Variants in UBE3A observed in about 807,000 individuals in gnomAD.
UBE3A encodes ubiquitin-protein ligase E3A.
In UBE3A, 6 loss-of-function variants were observed where a neutral mutation model predicts 83.4. The observed-to-expected ratio is 0.07, with a 90% CI of 0.04 to 0.14. UBE3A has a LOEUF of 0.14. UBE3A is among the 10% of genes least tolerant of loss of function. The pLI, the probability that UBE3A is intolerant of heterozygous loss-of-function variation, is 1.00. For missense variants in UBE3A, 456 were observed against 1,036.1 expected (o/e 0.44, Z 7.69); for synonymous variants, 337 against 355.4 (o/e 0.95, Z 0.58).
intron 4 of UBE3A, among the ~76,000 whole-genome samples, chr15:25,392,752 T>C (rs1207922806): frequency 1.3e-5 from 2 of 152,084 alleles, no homozygotes; most frequent in Non-Finnish European, 2.9e-5. Context: ...CACAGGGGCC[T>C]GAAAACATGA....
At chr15:25,421,182 C>G (rs1017865931) in intron 1 of UBE3A, among the ~76,000 whole-genome samples, 1 of 152,212 alleles carries the variant, frequency 6.6e-6, no homozygotes, top group South Asian at 2.1e-4. Context: ...CAGATGTGGT[C>G]GTTTAAAAAG....
chr15:25,418,733 A>C (rs1888205501), intron 1 of UBE3A: 1 of 152,182 alleles, frequency 6.6e-6, no homozygotes, highest in African/African-American at 2.4e-5. Context: ...AGATGGTCAC[A>C]ATAGAAGCCA....
intron 1 of UBE3A, among the ~76,000 whole-genome samples, chr15:25,417,032 A>C (rs1294012341): frequency 6.6e-6 from 1 of 152,134 alleles, no homozygotes; most frequent in Admixed American, 6.6e-5. Context: ...ATGGCTTCAG[A>C]AATCTGCCAT....
chr15:25,339,002 T>C lies in UBE3A; in HGVS notation c.*135A>G, dbSNP rs1158290239. 1.2e-5 allele frequency: 12 copies of C among 1,022,088 alleles called. No homozygotes were observed. Among genetic ancestry groups the C allele is most frequent in the Non-Finnish European group, 1.6e-5 (12 of 748,768 alleles). 63.3% of individuals were successfully genotyped at this position (1,022,088 alleles called of 1,614,324 possible). A position where few individuals can be genotyped will look rare whatever the true frequency, so the allele number is the denominator to read the frequency against. On this transcript the variant is annotated 3_prime_UTR_variant, in exon 13 of 13. Coordinates refer to ENST00000648336, the MANE Select transcript of UBE3A (RefSeq NM_130839.5). ...CACAGACATAGGTGACTACTGTGGT[T>C]GACTATCTTACAGCCTTTTTGTACT... is the stretch of plus-strand genomic sequence containing the variant.
At chr15:25,405,087 G>A (rs1436357173) in intron 4 of UBE3A, among the ~76,000 whole-genome samples, 1 of 152,040 alleles carries the variant, frequency 6.6e-6, no homozygotes, top group African/African-American at 2.4e-5. Context: ...ATTTCTGTAG[G>A]GTGAAAACTA....
chr15:25,353,034 A>C (rs1314230249), intron 11 of UBE3A, among the ~76,000 whole-genome samples: 2 of 152,220 alleles, frequency 1.3e-5, no homozygotes, highest in Non-Finnish European at 2.9e-5. Flanking sequence ...GAGATGCATC[A>C]AGATATGACT....
At chr15:25,394,752 C>A (rs559987777) in intron 4 of UBE3A, among the ~76,000 whole-genome samples, 1 of 152,064 alleles carries the variant, frequency 6.6e-6, no homozygotes. Flanking sequence ...ATAAACTGAT[C>A]CTAAAAAATT....
chr15:25,361,980 C>T (rs550460755), intron 6 of UBE3A, among the ~76,000 whole-genome samples: 4 of 152,140 alleles, frequency 2.6e-5, no homozygotes, highest in Non-Finnish European at 4.4e-5. Flanking sequence ...TGCCCGAGAG[C>T]ATTGTTTTTT....
Position 25,411,938 on chromosome 15 carries a change from G to A in UBE3A, c.-131C>T, listed in dbSNP as rs1806711710. On this transcript the variant is annotated 5_prime_UTR_variant, in exon 2 of 13. Coordinates refer to ENST00000648336, the MANE Select transcript of UBE3A (RefSeq NM_130839.5). Reference sequence around the variant, plus strand: ...TTCGCCAAACTTCTGAGGAGCTGGTGAATTCTAAAATCAGGCTCTTACAGA... The same window carrying A: ...TTCGCCAAACTTCTGAGGAGCTGGTAAATTCTAAAATCAGGCTCTTACAGA... 2 of 152,096 alleles carry A rather than the reference G, an allele frequency of 1.3e-5. No homozygotes were observed. Among genetic ancestry groups the A allele is most frequent in the Non-Finnish European group, 2.9e-5 (2 of 68,018 alleles). The allele number at this position is 152,096 out of a possible 1,614,324, so 9.4% of individuals were successfully genotyped here. A position where few individuals can be genotyped will look rare whatever the true frequency, so the allele number is the denominator to read the frequency against.
In UBE3A at chr15:25,355,872, G is replaced by A. The variant is rs2077155290; in HGVS notation, c.2124+20C>T. 6.2e-7 allele frequency: 1 copy of A among 1,603,880 alleles called. No individual in the cohort carries two copies. The highest frequency in any genetic ancestry group is 1.3e-5 in the African/African-American group (1 of 74,714). On this transcript the variant is annotated intron_variant, in intron 9 of 12. Transcript: ENST00000648336. ...AAGTGTTAATGAAGAGACAAAATGT[G>A]ACATAAAAACATTTATTACCTTCCT...
chr15:25,359,392 ACTAG>A (rs1216000273), intron 7 of UBE3A, among the ~76,000 whole-genome samples: 2 of 150,780 alleles, frequency 1.3e-5, no homozygotes, highest in African/African-American at 2.4e-5. Context: ...TTAATAAAAC[ACTAG>A]CTAGATTATA....
chr15:25,430,809 C>G (rs971202546), intron 1 of UBE3A, among the ~76,000 whole-genome samples: 1 of 152,108 alleles, frequency 6.6e-6, no homozygotes, highest in East Asian at 1.9e-4. Flanking sequence ...AGTTGAGATA[C>G]GTGACCAACC....
Position 25,398,771 on chromosome 15 carries a change from TTA to T in UBE3A, c.62+6688_62+6689del, listed in dbSNP as rs1159969391. Among the ~76,000 whole-genome samples, 218 of 68,908 alleles carry T rather than the reference TTA, an allele frequency of 3.2e-3. 1 individual carries two copies. Among genetic ancestry groups the T allele is most frequent in the African/African-American group, 8.5e-3 (189 of 22,328 alleles). The allele number at this position is 68,908 out of a possible 152,430, so 45.2% of individuals were successfully genotyped here. On this transcript the variant is annotated intron_variant, in intron 4 of 12. Coordinates refer to ENST00000648336, the MANE Select transcript of UBE3A (RefSeq NM_130839.5). ...CAGCGCACTGATTTTATTCTTTTAT[TTA>T]TATATATATATATATATATATATAT...
intron 11 of UBE3A, among the ~76,000 whole-genome samples, chr15:25,341,759 CAAAA>C (rs760767983): frequency 3.5e-5 from 1 of 28,176 alleles, no homozygotes; most frequent in African/African-American, 1.2e-4. Context: ...TGAGCCATCT[CAAAA>C]AAAAAAAAAA....
At chr15:25,348,242 T>G (rs1451579805) in intron 11 of UBE3A, among the ~76,000 whole-genome samples, 1 of 151,984 alleles carries the variant, frequency 6.6e-6, no homozygotes, top group Admixed American at 6.6e-5. Flanking sequence ...TATATAAATA[T>G]TCTCAAGTGA....
chr15:25,357,135 AG>A (rs2077326499), intron 7 of UBE3A, among the ~76,000 whole-genome samples: 5 of 152,180 alleles, frequency 3.3e-5, no homozygotes, highest in African/African-American at 1.2e-4. Flanking sequence ...TAAAGTAGTA[AG>A]TAATTTGGTG....
At chr15:25,432,905 C>T (rs1005557461) in intron 1 of UBE3A, among the ~76,000 whole-genome samples, 2 of 152,162 alleles carry the variant, frequency 1.3e-5, no homozygotes, top group Non-Finnish European at 2.9e-5. Context: ...ACACGAGATT[C>T]CTGTTCAGAT....
intron 11 of UBE3A, among the ~76,000 whole-genome samples, chr15:25,348,780 T>C (rs989922063): frequency 2.0e-5 from 3 of 152,194 alleles, no homozygotes; most frequent in African/African-American, 7.2e-5. Flanking sequence ...CATTAAAAAC[T>C]ATAAAACAGT....
At chr15:25,419,263 T>C (rs1020696967) in intron 1 of UBE3A, 1 of 152,150 alleles carries the variant, frequency 6.6e-6, no homozygotes, top group Admixed American at 6.5e-5. Flanking sequence ...GGGTGTGGTA[T>C]ACTAACAACT....
Sources: gnomAD v4.1 joint callset for allele counts (sites outside exome capture counted in the v4.1 genomes callset) on GRCh38, gnomAD v4.1.1 for gene constraint, MANE v1.5 for transcripts, NCBI Gene and HGNC (gene_info 2026-07-23, HGNC 2026-07-21) for gene names.